The following HECA variants were observed in gnomAD, a reference collection of about 807,000 sequenced individuals.
HECA encodes the protein HECA ribonucleoprotein granule regulator.
Under a neutral mutation model 37.6 loss-of-function variants are expected in HECA, and 13 were observed. The ratio of observed to expected loss-of-function variants is 0.35; its 90% CI spans 0.23 to 0.55. The LOEUF (loss-of-function observed/expected upper bound fraction) is 0.55. HECA is among the 20% of genes least tolerant of loss of function. HECA has a pLI of 0.90. For missense variants in HECA, 527 were observed against 701.9 expected (o/e 0.75, Z 2.82); for synonymous variants, 307 against 291.5 (o/e 1.05, Z -0.54).
intron 2 of HECA, among the ~76,000 whole-genome samples, chr6:139,172,177 T>C (rs191486634): frequency 3.0e-4 from 46 of 152,296 alleles, no homozygotes; most frequent in African/African-American, 1.1e-3. Context: ...TTGCCCAGGC[T>C]GGTCTTGAAC....
At chr6:139,153,934 C>T (rs983901023) in intron 1 of HECA, among the ~76,000 whole-genome samples, 5 of 152,072 alleles carry the variant, frequency 3.3e-5, no homozygotes, top group African/African-American at 4.8e-5. Flanking sequence ...TTTGCTCCTC[C>T]ATGAAAGCAA....
At chr6:139,158,751 T>C (rs956613770) in intron 1 of HECA, among the ~76,000 whole-genome samples, 1 of 151,916 alleles carries the variant, frequency 6.6e-6, no homozygotes, top group East Asian at 1.9e-4. Context: ...TCATTCCTCA[T>C]GGCAACCCTT....
intron 1 of HECA, among the ~76,000 whole-genome samples, chr6:139,140,413 G>T (rs1349641558): frequency 6.6e-6 from 1 of 152,192 alleles, no homozygotes; most frequent in African/African-American, 2.4e-5. Context: ...GAGATTGGCA[G>T]AAAATATTGC....
chr6:139,155,746 C>T (rs1310193720), intron 1 of HECA: 1 of 152,088 alleles, frequency 6.6e-6, no homozygotes, highest in Admixed American at 6.6e-5. Flanking sequence ...TTTAGTACCC[C>T]CAAGATCTAA....
At chr6:139,175,409 TAA>T (rs1775037169) in intron 3 of HECA, among the ~76,000 whole-genome samples, 1 of 152,240 alleles carries the variant, frequency 6.6e-6, no homozygotes, top group South Asian at 2.1e-4. Flanking sequence ...TTGATTTTTG[TAA>T]AGAGAGTATC....
At chr6:139,163,924 T>G (rs1215407080) in intron 1 of HECA, among the ~76,000 whole-genome samples, 1 of 152,052 alleles carries the variant, frequency 6.6e-6, no homozygotes, top group Non-Finnish European at 1.5e-5. Flanking sequence ...CAAATTCATG[T>G]CTCCTCCACC....
In HECA at chr6:139,177,335, G is replaced by A. The variant is rs1775065667; in HGVS notation, c.*230G>A. 1 of 346,838 alleles carries A rather than the reference G, an allele frequency of 2.9e-6. No individual in the cohort carries two copies. The highest frequency in any genetic ancestry group is 4.4e-5 in the East Asian group (1 of 22,724). The allele number at this position is 346,838 out of a possible 1,614,324, so 21.5% of individuals were successfully genotyped here. On this transcript the variant is annotated 3_prime_UTR_variant, in exon 4 of 4. Transcript: ENST00000367658. This position sits in a 1 kb window ranked among gnomAD's most constrained non-coding sequence, Gnocchi z 4.9. ...GGGTAATCCTGTGCATTTGGGTTGGGGTTCACTCTTACCAAGAATCTTTGA... is the reference window on the plus strand; with the variant it reads ...GGGTAATCCTGTGCATTTGGGTTGGAGTTCACTCTTACCAAGAATCTTTGA...
chr6:139,136,997 G>A (rs1774456314), intron 1 of HECA, among the ~76,000 whole-genome samples: 2 of 152,316 alleles, frequency 1.3e-5, no homozygotes, highest in Admixed American at 6.5e-5. Flanking sequence ...TCTGAACATA[G>A]GCGGCTGAAT....
At chr6:139,167,948 A>G (rs965841568) in intron 2 of HECA, among the ~76,000 whole-genome samples, 2 of 152,200 alleles carry the variant, frequency 1.3e-5, no homozygotes, top group African/African-American at 4.8e-5. Flanking sequence ...GGTTAGTATA[A>G]GAAATCTGTC....
chr6:139,146,443 CTTAT>C (rs1208494656), intron 1 of HECA, among the ~76,000 whole-genome samples: 1 of 152,170 alleles, frequency 6.6e-6, no homozygotes, highest in Non-Finnish European at 1.5e-5. Flanking sequence ...GAGTGTGATG[CTTAT>C]TTCAGTGTAA....
intron 1 of HECA, among the ~76,000 whole-genome samples, chr6:139,165,235 C>A (rs1326064884): frequency 1.3e-5 from 2 of 152,096 alleles, no homozygotes; most frequent in Non-Finnish European, 1.5e-5. Flanking sequence ...CATACATGTC[C>A]TTTTATTTCT....
intron 1 of HECA, among the ~76,000 whole-genome samples, chr6:139,137,748 A>T (rs1774467786): frequency 6.7e-6 from 1 of 149,342 alleles, no homozygotes; most frequent in South Asian, 2.1e-4. Context: ...TTCTTAGGCT[A>T]CTTGTACCTC....
chr6:139,164,166 C>T (rs948665852), intron 1 of HECA, among the ~76,000 whole-genome samples: 1 of 152,150 alleles, frequency 6.6e-6, no homozygotes, highest in Non-Finnish European at 1.5e-5. Context: ...AGCACCCTCC[C>T]TCTGGCCTCC....
At chr6:139,160,822 A>C (rs1260108651) in intron 1 of HECA, among the ~76,000 whole-genome samples, 1 of 152,248 alleles carries the variant, frequency 6.6e-6, no homozygotes, top group Non-Finnish European at 1.5e-5. Context: ...CAGCGGTATA[A>C]AATTATGGTA....
chr6:139,148,891 T>A (rs1774615928), intron 1 of HECA, among the ~76,000 whole-genome samples: 1 of 152,108 alleles, frequency 6.6e-6, no homozygotes, highest in South Asian at 2.1e-4. Flanking sequence ...TTCTTGCACA[T>A]TTCTAAAATC....
chr6:139,158,154 C>G (rs1383108904), intron 1 of HECA, among the ~76,000 whole-genome samples: 1 of 151,718 alleles, frequency 6.6e-6, no homozygotes, highest in Non-Finnish European at 1.5e-5. Flanking sequence ...CCCAGGAGTT[C>G]AAGACCAGCC....
At chr6:139,153,726 AT>A (rs1774680887) in intron 1 of HECA, among the ~76,000 whole-genome samples, 2 of 152,218 alleles carry the variant, frequency 1.3e-5, no homozygotes, top group African/African-American at 4.8e-5. Context: ...GCCTAAAAAA[AT>A]AATAGAAATT....
At position 139,166,276 on chromosome 6, in the gene HECA, T is replaced by A; in HGVS notation, c.272-8T>A. On this transcript the variant is annotated splice_polypyrimidine_tract_variant and splice_region_variant and intron_variant, in intron 1 of 3. Transcript: ENST00000367658. ...CTGAAATCTGTTCTCTCTTTATTCC[T>A]CCCCCAGAAGCCCCATGTGCCACTC... The A allele has an allele frequency of 6.3e-7, 1 of 1,580,356 alleles. No individual in the cohort carries two copies. Among genetic ancestry groups the A allele is most frequent in the Non-Finnish European group, 8.6e-7 (1 of 1,161,714 alleles).
chr6:139,163,373 T>TTA (rs61459604), intron 1 of HECA, among the ~76,000 whole-genome samples: 2 of 149,728 alleles, frequency 1.3e-5, no homozygotes, highest in Non-Finnish European at 3.0e-5. Context: ...TTTTTTTTTT[T>TTA]AAAGGGAGTC....
Sources: allele counts gnomAD v4.1 joint callset (sites outside exome capture counted in the v4.1 genomes callset), GRCh38; gene constraint gnomAD v4.1.1; non-coding constraint Gnocchi (gnomAD v3.1); transcripts MANE v1.5; gene names NCBI Gene and HGNC (gene_info 2026-07-23, HGNC 2026-07-21).